Variants in FGF12 observed in about 807,000 individuals in gnomAD.
FGF12 encodes the protein fibroblast growth factor 12, also known as fibroblast growth factor 12B.
In FGF12, 14 loss-of-function variants were observed where a neutral mutation model predicts 23.6. The ratio of observed to expected loss-of-function variants is 0.59; its 90% CI spans 0.39 to 0.93. The LOEUF is 0.93. Among genes scored for constraint, FGF12 ranks in the 40% least tolerant of loss-of-function variants. The probability of loss-of-function intolerance (pLI) is 0.00; values close to 1 mark genes in which losing one functional copy is unlikely to be tolerated. For synonymous variants in FGF12, 62 were observed against 77.3 expected, an observed-to-expected ratio of 0.80 and a Z score of 1.04; for missense variants, 175 against 217.8, an observed-to-expected ratio of 0.80 and a Z score of 1.24.
chr3:192,197,516 T>A (rs995828984), intron 4 of FGF12, among the ~76,000 whole-genome samples: 2 of 152,240 alleles, frequency 1.3e-5, no homozygotes, highest in African/African-American at 2.4e-5. Flanking sequence ...AAGGACCTTA[T>A]AAGTCCCTCT....
intron 2 of FGF12, among the ~76,000 whole-genome samples, chr3:192,361,913 T>C (rs1201572890): frequency 1.3e-5 from 2 of 152,182 alleles, no homozygotes; most frequent in Non-Finnish European, 2.9e-5. Flanking sequence ...AGCAGACTAA[T>C]GAGCAAAGAA....
At chr3:192,454,680 C>T (rs545521055) in intron 2 of FGF12, among the ~76,000 whole-genome samples, 8 of 152,188 alleles carry the variant, frequency 5.3e-5, no homozygotes, top group Admixed American at 1.3e-4. Flanking sequence ...CCTTTTCACA[C>T]GGCAAAGAAA....
intron 4 of FGF12, among the ~76,000 whole-genome samples, chr3:192,304,590 C>T (rs148961244): frequency 4.6e-5 from 7 of 152,022 alleles, no homozygotes; most frequent in East Asian, 1.9e-4. Flanking sequence ...CACTTGCTTG[C>T]GGTAATATTT....
At chr3:192,338,725 T>G (rs1293749368) in intron 3 of FGF12, among the ~76,000 whole-genome samples, 2 of 152,178 alleles carry the variant, frequency 1.3e-5, no homozygotes, top group Non-Finnish European at 2.9e-5. Context: ...GGTCTGGCTT[T>G]TACGTGAGAA....
At chr3:192,561,171 C>G (rs570625620) in intron 2 of FGF12, among the ~76,000 whole-genome samples, 1 of 152,018 alleles carries the variant, frequency 6.6e-6, no homozygotes, top group African/African-American at 2.4e-5. Context: ...CACAAACACA[C>G]GCACAGCTAT....
In FGF12 at chr3:192,711,648, C is replaced by G. The variant is rs531231411; in HGVS notation, c.13+15533G>C. Among the ~76,000 whole-genome samples, 5 of 152,192 alleles carry G rather than the reference C, an allele frequency of 3.3e-5. No individual in the cohort carries two copies. The South Asian group carries it at 1.0e-3, about 32-fold the overall frequency. On this transcript the variant is annotated intron_variant, in intron 2 of 5. Transcript: ENST00000445105. ...ATGCTGTTGATCTATGACCTTACCC[C>G]CCAACCCGGTGCTCTCTGAAACATG... is the stretch of plus-strand genomic sequence containing the variant.
At chr3:192,399,169 T>G (rs546303466) in intron 2 of FGF12, among the ~76,000 whole-genome samples, 1 of 151,406 alleles carries the variant, frequency 6.6e-6, no homozygotes, top group African/African-American at 2.4e-5. Flanking sequence ...TATGTGTCCC[T>G]CCCCCTGCCC....
At chr3:192,447,438 C>T (rs1033629371) in intron 2 of FGF12, among the ~76,000 whole-genome samples, 9 of 151,990 alleles carry the variant, frequency 5.9e-5, no homozygotes, top group South Asian at 4.1e-4. Context: ...AGTGTTTATA[C>T]GTTTATTGCA....
At chr3:192,699,000 A>G (rs1383754368) in intron 2 of FGF12, among the ~76,000 whole-genome samples, 1 of 152,194 alleles carries the variant, frequency 6.6e-6, no homozygotes, top group Non-Finnish European at 1.5e-5. Context: ...GTTATATGTC[A>G]TGAAAGAGTT....
rs138626657 is a variant in FGF12 at position 192,630,862 on chromosome 3, T to C, written c.13+96319A>G. 3.0e-3 allele frequency among the ~76,000 whole-genome samples: 452 copies of C among 151,308 alleles called. 8 individuals carry two copies. The highest frequency in any genetic ancestry group is 1.9e-3 in the East Asian group (10 of 5,146). ...CATGAGCCACCGCGCCCGGCCCACT[T>C]TTTTTTTTCTTAGAAAAACTATATT... is the stretch of plus-strand genomic sequence containing the variant. On this transcript the variant is annotated intron_variant, in intron 2 of 5. Transcript: ENST00000445105.
At chr3:192,176,705 C>A (rs965328835) in intron 4 of FGF12, among the ~76,000 whole-genome samples, 4 of 152,176 alleles carry the variant, frequency 2.6e-5, no homozygotes, top group African/African-American at 9.7e-5. Flanking sequence ...TCCCAAAAAT[C>A]TTTGTCCTTC....
chr3:192,713,196 T>C (rs780403761), intron 2 of FGF12, among the ~76,000 whole-genome samples: 2 of 152,148 alleles, frequency 1.3e-5, no homozygotes, highest in Admixed American at 6.5e-5. Flanking sequence ...AATAACAATG[T>C]AACAGCCTTG....
At chr3:192,437,103 C>T (rs1347799618) in intron 2 of FGF12, among the ~76,000 whole-genome samples, 1 of 151,814 alleles carries the variant, frequency 6.6e-6, no homozygotes, top group East Asian at 1.9e-4. Flanking sequence ...CAAGAGAAGC[C>T]GGGTAGAAGG....
chr3:192,452,866 T>G (rs1722568399), intron 2 of FGF12, among the ~76,000 whole-genome samples: 1 of 152,248 alleles, frequency 6.6e-6, no homozygotes, highest in African/African-American at 2.4e-5. Flanking sequence ...TTCTTTGGTG[T>G]TCTAAAACTT....
chr3:192,637,428 G>A (rs554963932), intron 2 of FGF12, among the ~76,000 whole-genome samples: 1 of 152,272 alleles, frequency 6.6e-6, no homozygotes, highest in South Asian at 2.1e-4. Flanking sequence ...AGGCAATATG[G>A]CATTGACATT....
At chr3:192,507,858 T>C (rs1035746954) in intron 2 of FGF12, among the ~76,000 whole-genome samples, 2 of 152,216 alleles carry the variant, frequency 1.3e-5, no homozygotes, top group Non-Finnish European at 2.9e-5. Context: ...ATCATCATCA[T>C]CATCATTTTG....
At chr3:192,229,969 G>A (rs201156647) in intron 4 of FGF12, among the ~76,000 whole-genome samples, 1 of 151,822 alleles carries the variant, frequency 6.6e-6, no homozygotes, top group African/African-American at 2.4e-5. Context: ...ATGTGAGAAA[G>A]ATGTTGTAAA....
At chr3:192,722,797 C>T (rs569715380) in intron 2 of FGF12, among the ~76,000 whole-genome samples, 19 of 152,220 alleles carry the variant, frequency 1.2e-4, no homozygotes, top group African/African-American at 4.3e-4. Flanking sequence ...ATTTTGCCCA[C>T]GAGAAGGTTA....
intron 3 of FGF12, among the ~76,000 whole-genome samples, chr3:192,351,480 A>T (rs1171626543): frequency 6.6e-6 from 1 of 152,220 alleles, no homozygotes; most frequent in Non-Finnish European, 1.5e-5. Context: ...TTTTGATTTA[A>T]CAAACATTGA....
Sources: gnomAD v4.1 joint callset for allele counts (sites outside exome capture counted in the v4.1 genomes callset) on GRCh38, gnomAD v4.1.1 for gene constraint, MANE v1.5 for transcripts, NCBI Gene and HGNC (gene_info 2026-07-23, HGNC 2026-07-21) for gene names.